Variants in THSD7A observed in about 807,000 individuals in gnomAD.
THSD7A encodes the protein thrombospondin type 1 domain containing 7A.
In THSD7A, 96 loss-of-function variants were observed where a neutral mutation model predicts 231.3. The observed-to-expected ratio is 0.41, with a 90% confidence interval of 0.35 to 0.49. THSD7A has a LOEUF of 0.49. Among genes scored for constraint, THSD7A ranks in the 20% least tolerant of loss-of-function variants. The pLI is 0.05. For synonymous variants in THSD7A, 940 were observed against 743.3 expected, an observed-to-expected ratio of 1.26 and a Z score of -4.30; for missense variants, 2,290 against 2,070.2, an observed-to-expected ratio of 1.11 and a Z score of -2.06.
intron 1 of THSD7A, among the ~76,000 whole-genome samples, chr7:11,758,314 C>T (rs563278486): frequency 2.0e-5 from 3 of 151,860 alleles, no homozygotes; most frequent in Admixed American, 6.6e-5. Flanking sequence ...ATCCTCTTAG[C>T]GTAGAAAACC....
intron 4 of THSD7A, among the ~76,000 whole-genome samples, chr7:11,580,922 T>A (rs1183297082): frequency 6.6e-6 from 1 of 152,126 alleles, no homozygotes; most frequent in Non-Finnish European, 1.5e-5. Context: ...ACATAAAAAA[T>A]TATATCTTCA....
At chr7:11,385,483 AT>A (rs1313750240) in intron 23 of THSD7A, 1 of 152,076 alleles carries the variant, frequency 6.6e-6, no homozygotes, top group Non-Finnish European at 1.5e-5. Flanking sequence ...ACAAGTTTTT[AT>A]TGTGAAAGTG....
chr7:11,487,571 C>T (rs1381208024), intron 6 of THSD7A, among the ~76,000 whole-genome samples: 2 of 151,682 alleles, frequency 1.3e-5, no homozygotes, highest in African/African-American at 2.4e-5. Flanking sequence ...CAAGATATAC[C>T]CAAGACTGGG....
At chr7:11,745,445 T>G (rs1369382117) in intron 1 of THSD7A, among the ~76,000 whole-genome samples, 1 of 152,110 alleles carries the variant, frequency 6.6e-6, no homozygotes, top group African/African-American at 2.4e-5. Context: ...GCTCTTTAGT[T>G]TATTTATATC....
intron 1 of THSD7A, among the ~76,000 whole-genome samples, chr7:11,663,205 T>G (rs1782998648): frequency 6.6e-6 from 1 of 151,288 alleles, no homozygotes; most frequent in Non-Finnish European, 1.5e-5. Flanking sequence ...TAATTTATTC[T>G]TCAGACATAA....
intron 1 of THSD7A, among the ~76,000 whole-genome samples, chr7:11,796,315 A>G (rs1274255979): frequency 2.0e-5 from 3 of 149,696 alleles, no homozygotes; most frequent in Non-Finnish European, 4.4e-5. Flanking sequence ...TTAAATTTTA[A>G]TATCTGGTAA....
At chr7:11,400,478 AG>A in intron 23 of THSD7A, among the ~76,000 whole-genome samples, 1 of 146,518 alleles carries the variant, frequency 6.8e-6, no homozygotes, top group Non-Finnish European at 1.5e-5. Flanking sequence ...TTACTCTCTA[AG>A]GTGTGCGTGT....
In THSD7A at chr7:11,375,245, C is replaced by G. The variant is rs1164667302; in HGVS notation, c.*549G>C. On this transcript the variant is annotated 3_prime_UTR_variant, in exon 28 of 28. Transcript: ENST00000423059. ...GGTCAATAAAATCTACCATCGACCACCAAGATGCTGAATTTATTCAGTGGA... is the reference window on the plus strand; with the variant it reads ...GGTCAATAAAATCTACCATCGACCAGCAAGATGCTGAATTTATTCAGTGGA... The G allele has an allele frequency of 6.6e-6, 1 of 152,004 alleles. No individual in the cohort carries two copies. Among genetic ancestry groups the G allele is most frequent in the Non-Finnish European group, 1.5e-5 (1 of 67,970 alleles). 9.4% of individuals were successfully genotyped at this position (152,004 alleles called of 1,614,324 possible).
chr7:11,545,729 T>C (rs1357832795), intron 4 of THSD7A, among the ~76,000 whole-genome samples: 1 of 152,076 alleles, frequency 6.6e-6, no homozygotes, highest in East Asian at 1.9e-4. Context: ...TCAACAGACA[T>C]TTGAGTTTGC....
intron 2 of THSD7A, among the ~76,000 whole-genome samples, chr7:11,605,358 CTCA>C (rs949183896): frequency 1.3e-5 from 2 of 152,090 alleles, no homozygotes; most frequent in African/African-American, 4.8e-5. Flanking sequence ...CCAATAATTT[CTCA>C]TCATTTTGCT....
Position 11,444,563 on chromosome 7 carries a change from G to C in THSD7A, c.3064+1498C>G, listed in dbSNP as rs1472695882. Among the ~76,000 whole-genome samples the C allele has an allele frequency of 6.6e-6, 1 of 151,930 alleles. No individual in the cohort carries two copies. Among genetic ancestry groups the C allele is most frequent in the African/African-American group, 2.4e-5 (1 of 41,384 alleles). On this transcript the variant is annotated intron_variant, in intron 13 of 27. Coordinates refer to ENST00000423059, the MANE Select transcript of THSD7A (RefSeq NM_015204.3). This position sits in a 1 kb window ranked among gnomAD's most constrained non-coding sequence, Gnocchi z 4.2. ...TGAAAGTTGAACAATAAGAACACAT[G>C]GGCACAGGGAGGGGAACATCACACA...
chr7:11,701,347 A>G (rs922139645), intron 1 of THSD7A, among the ~76,000 whole-genome samples: 1 of 151,222 alleles, frequency 6.6e-6, no homozygotes, highest in African/African-American at 2.4e-5. Flanking sequence ...TAACGATGTG[A>G]AAACCATTTG....
chr7:11,607,186 C>T (rs187091684), intron 2 of THSD7A, among the ~76,000 whole-genome samples: 29 of 152,086 alleles, frequency 1.9e-4, no homozygotes, highest in African/African-American at 5.8e-4. Flanking sequence ...TAGAATATAA[C>T]GCTAGTAGGA....
intron 4 of THSD7A, among the ~76,000 whole-genome samples, chr7:11,559,264 G>C (rs957928690): frequency 7.9e-5 from 12 of 152,156 alleles, no homozygotes; most frequent in Non-Finnish European, 1.6e-4. Context: ...ATGCATGCCA[G>C]ACCTCTGACT....
intron 2 of THSD7A, among the ~76,000 whole-genome samples, chr7:11,617,611 C>G (rs1009099288): frequency 6.6e-6 from 1 of 152,172 alleles, no homozygotes; most frequent in Non-Finnish European, 1.5e-5. Context: ...ACTTCACACT[C>G]TAGCATTCTA....
chr7:11,732,167 ATGTT>A (rs765388151), intron 1 of THSD7A, among the ~76,000 whole-genome samples: 29 of 151,746 alleles, frequency 1.9e-4, no homozygotes, highest in Admixed American at 3.3e-4. Flanking sequence ...GCATGAGTAC[ATGTT>A]TGTTCTTTTG....
At chr7:11,761,632 A>G (rs1049254326) in intron 1 of THSD7A, among the ~76,000 whole-genome samples, 3 of 152,114 alleles carry the variant, frequency 2.0e-5, no homozygotes, top group South Asian at 2.1e-4. Flanking sequence ...TTTACCATCT[A>G]TGGTTGCAAA....
At chr7:11,698,963 A>T (rs1362462871) in intron 1 of THSD7A, among the ~76,000 whole-genome samples, 1 of 113,708 alleles carries the variant, frequency 8.8e-6, no homozygotes, top group African/African-American at 3.6e-5. Flanking sequence ...GTGCCTTGAA[A>T]TGTCACTGAT....
chr7:11,793,176 G>T (rs532311433), intron 1 of THSD7A, among the ~76,000 whole-genome samples: 1 of 151,790 alleles, frequency 6.6e-6, no homozygotes, highest in Non-Finnish European at 1.5e-5. Flanking sequence ...ATTAAAAGGG[G>T]TAAAAAAATA....
Sources: allele counts gnomAD v4.1 joint callset (sites outside exome capture counted in the v4.1 genomes callset), GRCh38; gene constraint gnomAD v4.1.1; non-coding constraint Gnocchi (gnomAD v3.1); transcripts MANE v1.5; gene names NCBI Gene and HGNC (gene_info 2026-07-23, HGNC 2026-07-21).